The following NKAIN2 variants were observed in gnomAD, a reference collection of about 807,000 sequenced individuals.
NKAIN2 encodes the protein sodium/potassium transporting ATPase interacting 2.
Under a neutral mutation model 32.6 loss-of-function variants are expected in NKAIN2, and 14 were observed. The ratio of observed to expected loss-of-function variants is 0.43; its 90% CI spans 0.28 to 0.67. The LOEUF (loss-of-function observed/expected upper bound fraction) is 0.67, where lower values mean the gene tolerates loss of function less well. Ranked by LOEUF, NKAIN2 falls within the 30% of genes least tolerant of loss-of-function variation. The pLI is 0.17. For synonymous variants in NKAIN2, 80 were observed against 87.2 expected, an observed-to-expected ratio of 0.92 and a Z score of 0.46; for missense variants, 198 against 258.3, an observed-to-expected ratio of 0.77 and a Z score of 1.60.
chr6:124,022,834 G>C (rs1016439695), intron 1 of NKAIN2, among the ~76,000 whole-genome samples: 2 of 151,928 alleles, frequency 1.3e-5, no homozygotes, highest in Non-Finnish European at 2.9e-5. Flanking sequence ...TGACTGCTTT[G>C]CATGAATTCC....
intron 3 of NKAIN2, among the ~76,000 whole-genome samples, chr6:124,630,709 T>C (rs1334484703): frequency 1.3e-5 from 2 of 152,192 alleles, no homozygotes; most frequent in Non-Finnish European, 2.9e-5. Context: ...TTTTTAGTGA[T>C]TTTAGACAGG....
chr6:124,704,211 A>G (rs779666871), intron 4 of NKAIN2, among the ~76,000 whole-genome samples: 5 of 151,978 alleles, frequency 3.3e-5, no homozygotes, highest in Non-Finnish European at 7.4e-5. Context: ...TTGAAGAATA[A>G]AAATTAATAT....
chr6:124,807,221 T>C (rs545842005), intron 5 of NKAIN2, among the ~76,000 whole-genome samples: 8 of 152,238 alleles, frequency 5.3e-5, no homozygotes, highest in Admixed American at 2.6e-4. Flanking sequence ...TATTCCAAAA[T>C]TGACCACATA....
rs1039064515 is a variant in NKAIN2, at chr6:124,813,919, C to T, written c.536-4468C>T. ...AAAGATCTGTCAAATGTTTTATGACCCTTATTGCTCAGAGAAGTTTTAGAA... is the reference window on the plus strand; with the variant it reads ...AAAGATCTGTCAAATGTTTTATGACTCTTATTGCTCAGAGAAGTTTTAGAA... On this transcript the variant is annotated intron_variant, in intron 5 of 6. Coordinates refer to ENST00000368417, the MANE Select transcript of NKAIN2 (RefSeq NM_001040214.3). 3.3e-5 allele frequency among the ~76,000 whole-genome samples: 5 copies of T among 152,150 alleles called. No homozygotes were observed. The East Asian group carries it at 7.7e-4, about 24-fold the overall frequency.
intron 1 of NKAIN2, among the ~76,000 whole-genome samples, chr6:123,868,722 C>A (rs1473597317): frequency 6.6e-6 from 1 of 152,148 alleles, no homozygotes; most frequent in Admixed American, 6.5e-5. Context: ...AACTAAATTG[C>A]CCCATTGGCT....
At chr6:124,436,592 C>A (rs1204375623) in intron 3 of NKAIN2, among the ~76,000 whole-genome samples, 3 of 152,028 alleles carry the variant, frequency 2.0e-5, no homozygotes, top group Non-Finnish European at 2.9e-5. Flanking sequence ...ATTGAAATTT[C>A]TCTTGGTGCC....
At chr6:124,250,143 T>C (rs1042608453) in intron 1 of NKAIN2, among the ~76,000 whole-genome samples, 1 of 152,154 alleles carries the variant, frequency 6.6e-6, no homozygotes, top group Non-Finnish European at 1.5e-5. Flanking sequence ...TGTGAGATTG[T>C]AGCTTGAAGA....
chr6:123,892,152 A>G (rs2114376827), intron 1 of NKAIN2, among the ~76,000 whole-genome samples: 1 of 152,296 alleles, frequency 6.6e-6, no homozygotes, highest in East Asian at 1.9e-4. Context: ...GGGCTCCATT[A>G]CACCTGAACA....
At chr6:124,083,568 T>G (rs1784067070) in intron 1 of NKAIN2, among the ~76,000 whole-genome samples, 1 of 151,954 alleles carries the variant, frequency 6.6e-6, no homozygotes, top group South Asian at 2.1e-4. Flanking sequence ...TTTTACTACT[T>G]CTTTATAAAA....
intron 3 of NKAIN2, among the ~76,000 whole-genome samples, chr6:124,393,138 CTT>C (rs141298786): frequency 0.011 from 1,678 of 152,264 alleles, 8 homozygotes; most frequent in Non-Finnish European, 0.017. Flanking sequence ...AGTAGAAACT[CTT>C]TGGGGCTAAA....
intron 1 of NKAIN2, among the ~76,000 whole-genome samples, chr6:123,904,732 T>C (rs1218648778): frequency 6.6e-6 from 1 of 152,184 alleles, no homozygotes; most frequent in Non-Finnish European, 1.5e-5. Context: ...ATATTCGAGA[T>C]GGCTTAACTT....
chr6:124,426,473 CA>C (rs1211939623), intron 3 of NKAIN2, among the ~76,000 whole-genome samples: 1 of 151,850 alleles, frequency 6.6e-6, no homozygotes, highest in Admixed American at 6.6e-5. Flanking sequence ...AAAGAACCCT[CA>C]AAAGTTAAGA....
At chr6:123,877,649 C>A (rs959812423) in intron 1 of NKAIN2, among the ~76,000 whole-genome samples, 4 of 152,144 alleles carry the variant, frequency 2.6e-5, no homozygotes, top group African/African-American at 9.7e-5. Context: ...ATGCTTTTAT[C>A]TTTCAAGTCT....
chr6:124,782,954 G>A (rs1452616686), intron 4 of NKAIN2, among the ~76,000 whole-genome samples: 1 of 151,924 alleles, frequency 6.6e-6, no homozygotes, highest in East Asian at 1.9e-4. Flanking sequence ...AATAGTTTTG[G>A]TTAAGGACTC....
chr6:124,417,317 A>C (rs1774535132), intron 3 of NKAIN2, among the ~76,000 whole-genome samples: 1 of 152,254 alleles, frequency 6.6e-6, no homozygotes, highest in Admixed American at 6.5e-5. Context: ...GAATGAAAAA[A>C]TACATTTAAA....
At position 124,348,173 on chromosome 6, in the gene NKAIN2, G is replaced by T. The variant is rs138060060; in HGVS notation, c.193-7094G>T. ...TGGATTTTCGTGATCCGCGAATGCT[G>T]CTGTCTGCTTGTTCCTCTGGAAGTT... On this transcript the variant is annotated intron_variant, in intron 2 of 6. Transcript: ENST00000368417. Among the ~76,000 whole-genome samples the T allele has an allele frequency of 5.9e-3, 892 of 152,250 alleles. 4 individuals are homozygous for T. The highest frequency in any genetic ancestry group is 0.024 in the Middle Eastern group (7 of 294).
intron 4 of NKAIN2, among the ~76,000 whole-genome samples, chr6:124,694,573 A>T (rs1774406445): frequency 6.6e-6 from 1 of 152,202 alleles, no homozygotes; most frequent in South Asian, 2.1e-4. Flanking sequence ...CTGGAAACAG[A>T]CAACAGCTTG....
At chr6:124,802,548 G>A (rs1324546836) in intron 5 of NKAIN2, among the ~76,000 whole-genome samples, 1 of 152,138 alleles carries the variant, frequency 6.6e-6, no homozygotes, top group African/African-American at 2.4e-5. Flanking sequence ...TTTACTGAAA[G>A]CATCAAAAGA....
chr6:124,603,873 T>C (rs1782401078), intron 3 of NKAIN2, among the ~76,000 whole-genome samples: 1 of 151,936 alleles, frequency 6.6e-6, no homozygotes, highest in South Asian at 2.1e-4. Flanking sequence ...CAATCCAAGA[T>C]AGTTCTCAGC....
Sources: allele counts gnomAD v4.1 joint callset (sites outside exome capture counted in the v4.1 genomes callset), GRCh38; gene constraint gnomAD v4.1.1; transcripts MANE v1.5; gene names NCBI Gene and HGNC (gene_info 2026-07-23, HGNC 2026-07-21).